CSMD3: variants seen among roughly 807,000 people sequenced by gnomAD.
The protein encoded by CSMD3 is CUB and Sushi multiple domains 3.
CSMD3 carries 177 observed loss-of-function variants against 435.2 expected under a neutral mutation model. The ratio of observed to expected loss-of-function variants is 0.41; its 90% CI spans 0.36 to 0.46. CSMD3 has a LOEUF of 0.46. CSMD3 is among the 20% of genes least tolerant of loss of function. The pLI, the probability that CSMD3 is intolerant of heterozygous loss-of-function variation, is 0.34. For synonymous variants in CSMD3, 1,656 were observed against 1,520.5 expected, an observed-to-expected ratio of 1.09 and a Z score of -2.07; for missense variants, 4,265 against 4,504.6, an observed-to-expected ratio of 0.95 and a Z score of 1.52.
intron 35 of CSMD3, among the ~76,000 whole-genome samples, chr8:112,404,204 T>G (rs990966459): frequency 2.0e-5 from 3 of 152,100 alleles, no homozygotes; most frequent in Admixed American, 2.0e-4. Flanking sequence ...AAAAAAAATA[T>G]ATTTTACTTA....
chr8:113,013,446 A>G (rs932050877), intron 6 of CSMD3, among the ~76,000 whole-genome samples: 1 of 152,064 alleles, frequency 6.6e-6, no homozygotes, highest in African/African-American at 2.4e-5. Flanking sequence ...TACTTATACT[A>G]TAAGAAATCT....
chr8:113,424,867 A>G (rs2094627301), intron 1 of CSMD3, among the ~76,000 whole-genome samples: 1 of 151,746 alleles, frequency 6.6e-6, no homozygotes, highest in East Asian at 1.9e-4. Context: ...TACAATATAT[A>G]TGATATATAA....
At chr8:113,316,943 G>A (rs968016755) in intron 1 of CSMD3, among the ~76,000 whole-genome samples, 17 of 152,066 alleles carry the variant, frequency 1.1e-4, no homozygotes, top group African/African-American at 4.1e-4. Context: ...CCTATCCTCT[G>A]AGCAAAATTT....
intron 6 of CSMD3, among the ~76,000 whole-genome samples, chr8:113,004,996 A>G (rs2086003192): frequency 6.6e-6 from 1 of 151,828 alleles, no homozygotes; most frequent in Non-Finnish European, 1.5e-5. Flanking sequence ...ATATATACCA[A>G]ATCTCAAGAG....
At chr8:112,890,043 C>T (rs1474891396) in intron 10 of CSMD3, among the ~76,000 whole-genome samples, 1 of 151,470 alleles carries the variant, frequency 6.6e-6, no homozygotes, top group Non-Finnish European at 1.5e-5. Flanking sequence ...TTTAAGAAAA[C>T]ACAGAAAAAA....
chr8:113,144,229 A>C (rs2091618882), intron 4 of CSMD3, among the ~76,000 whole-genome samples: 1 of 151,406 alleles, frequency 6.6e-6, no homozygotes, highest in Non-Finnish European at 1.5e-5. Context: ...AGACTGCAGT[A>C]ACTATATGTA....
chr8:113,424,184 C>T (rs973941378), intron 1 of CSMD3, among the ~76,000 whole-genome samples: 1 of 151,628 alleles, frequency 6.6e-6, no homozygotes, highest in Admixed American at 6.6e-5. Flanking sequence ...ATGTGAAATA[C>T]GTGATGATAT....
intron 27 of CSMD3, among the ~76,000 whole-genome samples, chr8:112,529,320 C>T (rs540866206): frequency 3.5e-4 from 53 of 152,208 alleles, no homozygotes; most frequent in African/African-American, 1.1e-3. Context: ...ACAGTTAATG[C>T]GGTACAGTGG....
At chr8:113,413,244 CAT>C (rs1168402218) in intron 1 of CSMD3, among the ~76,000 whole-genome samples, 1 of 151,986 alleles carries the variant, frequency 6.6e-6, no homozygotes, top group Non-Finnish European at 1.5e-5. Flanking sequence ...TTAAAATTAA[CAT>C]AATATAAATT....
Position 112,287,117 on chromosome 8 carries a change from T to C in CSMD3, c.9278A>G (p.Glu3093Gly). 1 of 1,613,812 alleles carries C rather than the reference T, an allele frequency of 6.2e-7. No individual in the cohort carries two copies. Among genetic ancestry groups the C allele is most frequent in the Middle Eastern group, 1.7e-4 (1 of 6,060 alleles). Residue 3093 changes from glutamate (E) to glycine (G), a missense_variant, in exon 58 of 71, where the codon GAA becomes GGA. Glu to Gly is a moderately conservative substitution (Grantham distance 98). Coordinates refer to ENST00000297405, the MANE Select transcript of CSMD3 (RefSeq NM_198123.2). ...ACTGCCATTAGCTAAACATGTTCTT[T>C]CTTCTGAGCCATGAAGGATGTAACC... is the stretch of plus-strand genomic sequence containing the variant. Reference protein sequence around the residue: ...DTGYILHGSEERTCLANGSWT... With the variant: ...DTGYILHGSEGRTCLANGSWT...
intron 3 of CSMD3, among the ~76,000 whole-genome samples, chr8:113,278,095 C>T (rs1258425143): frequency 6.6e-6 from 1 of 151,854 alleles, no homozygotes; most frequent in Admixed American, 6.6e-5. Context: ...AAAAACACAA[C>T]CTTCAGTTTT....
intron 36 of CSMD3, among the ~76,000 whole-genome samples, chr8:112,385,514 C>T (rs1829857074): frequency 6.6e-6 from 1 of 151,384 alleles, no homozygotes; most frequent in African/African-American, 2.4e-5. Flanking sequence ...TAAGACAGTG[C>T]TCTAAGTACA....
At chr8:112,771,572 GTGTT>G (rs1336590806) in intron 13 of CSMD3, among the ~76,000 whole-genome samples, 3 of 151,706 alleles carry the variant, frequency 2.0e-5, no homozygotes, top group African/African-American at 4.8e-5. Flanking sequence ...AAAAAGTAAA[GTGTT>G]TGGGATTGAA....
chr8:113,048,284 G>A (rs1330040102), intron 5 of CSMD3, among the ~76,000 whole-genome samples: 2 of 151,918 alleles, frequency 1.3e-5, no homozygotes, highest in East Asian at 1.9e-4. Flanking sequence ...TAGTAGAGAC[G>A]GGGTTTCACC....
At chr8:112,902,058 TAG>T (rs937052394) in intron 10 of CSMD3, among the ~76,000 whole-genome samples, 43 of 151,402 alleles carry the variant, frequency 2.8e-4, no homozygotes, top group African/African-American at 1.0e-3. Context: ...GATCATCCAG[TAG>T]AAAAGTACTA....
At chr8:112,433,360 TA>T (rs528709954) in intron 32 of CSMD3, among the ~76,000 whole-genome samples, 66 of 145,370 alleles carry the variant, frequency 4.5e-4, no homozygotes, top group East Asian at 1.2e-3. Flanking sequence ...TTGTTACCTT[TA>T]AAAAAAAAAA....
intron 4 of CSMD3, among the ~76,000 whole-genome samples, chr8:113,122,408 A>G (rs1026847127): frequency 6.6e-6 from 1 of 152,090 alleles, no homozygotes; most frequent in African/African-American, 2.4e-5. Context: ...CTGGGAACCT[A>G]TGAATATGTT....
intron 32 of CSMD3, among the ~76,000 whole-genome samples, chr8:112,416,073 A>G (rs1466368324): frequency 6.6e-6 from 1 of 152,146 alleles, no homozygotes; most frequent in Non-Finnish European, 1.5e-5. Context: ...TTGTGTTTTG[A>G]AATGTGAGGG....
At chr8:112,651,561 G>A (rs1425286823) in intron 18 of CSMD3, among the ~76,000 whole-genome samples, 4 of 140,430 alleles carry the variant, frequency 2.8e-5, no homozygotes, top group Non-Finnish European at 6.1e-5. Context: ...TTTTTTTGAC[G>A]GAGTCTCGCT....
Sources: gnomAD v4.1 joint callset for allele counts (sites outside exome capture counted in the v4.1 genomes callset) on GRCh38, gnomAD v4.1.1 for gene constraint, MANE v1.5 for transcripts, NCBI Gene and HGNC (gene_info 2026-07-23, HGNC 2026-07-21) for gene names.